SYP: variants seen among roughly 807,000 people sequenced by gnomAD.
The protein encoded by SYP is major synaptic vesicle protein P38.
A neutral mutation model predicts 24.3 loss-of-function variants in SYP; 2 were observed. The ratio of observed to expected loss-of-function variants is 0.08; its 90% CI spans 0.03 to 0.26. The LOEUF (loss-of-function observed/expected upper bound fraction) is 0.26. Ranked by LOEUF, SYP falls within the 10% of genes least tolerant of loss-of-function variation. The probability of loss-of-function intolerance (pLI) is 1.00; values close to 1 mark genes in which losing one functional copy is unlikely to be tolerated. For synonymous variants in SYP, 143 were observed against 123.2 expected (o/e 1.16, Z -1.07); for missense variants, 216 against 266.3 (o/e 0.81, Z 1.32).
Position 49,194,211 on chromosome X carries a change from G to A in SYP, c.378C>T (p.Ile126=). The change falls in exon 4 of 7, where the codon ATC becomes ATT. Residue 126 remains isoleucine, a synonymous_variant. Transcript: ENST00000263233. ...TCTCTCGGTACTTGTTCTGCAGGAA[G>A]ATGTAGGTGGCCAGAGCCCCCATGG... ...LYSMGALATY[I]FLQNKYRENN... is the part of the protein sequence containing the mutation. 8.3e-7 allele frequency: 1 copy of A among 1,211,768 alleles called. No homozygotes were observed. The highest frequency in any genetic ancestry group is 1.1e-6 in the Non-Finnish European group (1 of 895,544).
At chrX:49,199,399 T>G (rs1457857939) in intron 1 of SYP, among the ~76,000 whole-genome samples, 1 of 94,321 alleles carries the variant, frequency 1.1e-5, no homozygotes, top group Non-Finnish European at 2.1e-5. Flanking sequence ...ATGGTGAAGG[T>G]GAGTCATAAC....
At chrX:49,197,957 C>T (rs782437464) in intron 2 of SYP, 118 bp from the exon 3 acceptor site, 34 of 974,310 alleles carry the variant, frequency 3.5e-5, no homozygotes, top group Non-Finnish European at 4.6e-5. Context: ...GCAGTCCCCA[C>T]CCCCACCCCC....
At chrX:49,191,297 G>T in intron 6 of SYP, 136 bp downstream of exon 6, 1 of 703,017 alleles carries the variant, frequency 1.4e-6, no homozygotes, top group Non-Finnish European at 2.2e-6. Flanking sequence ...CTCTTGATTG[G>T]CTCCTTCAAA....
chrX:49,194,368 A>G lies in SYP; in HGVS notation c.228-7T>C. The G allele has an allele frequency of 8.3e-7, 1 of 1,210,142 alleles. No homozygotes were observed. Among genetic ancestry groups the G allele is most frequent in the Non-Finnish European group, 1.1e-6 (1 of 894,990 alleles). On this transcript the variant is annotated splice_region_variant and splice_polypyrimidine_tract_variant and intron_variant, in intron 3 of 6. Transcript: ENST00000263233. ...AAAGTACACTTGGTGCAGCCTGCAA[A>G]CAGAGGTGGGCAGGTGTGGCCCAGC...
At chrX:49,191,353 C>T in intron 6 of SYP, 80 bp downstream of exon 6, 1 of 1,092,491 alleles carries the variant, frequency 9.2e-7, no homozygotes, top group Admixed American at 2.5e-5. Context: ...TACTCTCTAC[C>T]CCTGACTCTT....
chrX:49,199,437 G>A (rs2065541924), intron 1 of SYP, among the ~76,000 whole-genome samples: 1 of 107,897 alleles, frequency 9.3e-6, no homozygotes, highest in Non-Finnish European at 1.9e-5. Flanking sequence ...GGCTCAGGTG[G>A]GGGAAGGGTC....
At chrX:49,200,058 C>T (rs782036283) in intron 1 of SYP, 93 bp downstream of exon 1, 9 of 1,096,060 alleles carry the variant, frequency 8.2e-6, no homozygotes, top group South Asian at 7.8e-5. Flanking sequence ...CTGCCAGACC[C>T]TGGCCACCAC....
At position 49,194,076 on chromosome X, in the gene SYP, C is replaced by T. The variant is rs993272636; in HGVS notation, c.423+90G>A. On this transcript the variant is annotated intron_variant, in intron 4 of 6. Transcript: ENST00000263233. ...GGTGGCTGTTTGCATGTGGGCCTGT[C>T]TGGGATTTGGTGTGGTCTGTGAGCA... 36 of 1,071,564 alleles carry T rather than the reference C, an allele frequency of 3.4e-5. No individual in the cohort carries two copies. In the East Asian group the frequency reaches 1.1e-3, roughly 33 times the overall value. The allele number at this position is 1,071,564 out of a possible 1,213,427, so 88.3% of individuals were successfully genotyped here.
In SYP at chrX:49,197,738, C is replaced by T; in HGVS notation, c.204G>A (p.Glu68=). 1.7e-6 allele frequency: 2 copies of T among 1,208,053 alleles called. No individual in the cohort carries two copies. Among genetic ancestry groups the T allele is most frequent in the Non-Finnish European group, 2.2e-6 (2 of 893,444 alleles). The stretch of plus-strand genomic sequence containing the variant: ...ACCTGAAGGGGTACTCGAACTCGAC[C>T]TCGATGCTGAGGTCACTCTCGGTCT... ...ANKTESDLSI[E]VEFEYPFRLH... is the part of the protein sequence containing the mutation. The change falls in exon 3 of 7, where the codon GAG becomes GAA. Residue 68 remains glutamate (E), a synonymous_variant. Transcript: ENST00000263233.
chrX:49,191,776 A>G lies in SYP; in HGVS notation c.616-13T>C. The G allele has an allele frequency of 8.4e-7, 1 of 1,196,102 alleles. No homozygotes were observed. Among genetic ancestry groups the G allele is most frequent in the South Asian group, 1.8e-5 (1 of 55,296 alleles). On this transcript the variant is annotated splice_polypyrimidine_tract_variant and intron_variant, in intron 5 of 6. Coordinates refer to ENST00000263233, the MANE Select transcript of SYP (RefSeq NM_003179.3). The stretch of plus-strand genomic sequence containing the variant: ...GGAAGCCGAACACCTGCAGGGAGAC[A>G]AGGCTCGGCTGTGGTACCCCGCCCA...
Position 49,193,346 on chromosome X carries a change from G to A in SYP, c.541C>T (p.Pro181Ser). The A allele has an allele frequency of 8.3e-7, 1 of 1,212,013 alleles. No individual in the cohort carries two copies. Among genetic ancestry groups the A allele is most frequent in the Non-Finnish European group, 1.1e-6 (1 of 895,475 alleles). The change falls in exon 5 of 7, where the codon CCT becomes TCT. Residue 181 changes from proline to serine, a missense_variant. Coordinates refer to ENST00000263233, the MANE Select transcript of SYP (RefSeq NM_003179.3). Reference sequence around the variant, plus strand: ...GTGTTCCCTGTCTGGCGGCAGACAGGCATCTCCTTGATAATGTTCTCTGGG... The same window carrying A: ...GTGTTCCCTGTCTGGCGGCAGACAGACATCTCCTTGATAATGTTCTCTGGG... ...TDPENIIKEM[P>S]VCRQTGNTCK... is the part of the protein sequence containing the mutation.
chrX:49,190,820 C>G (rs1486033224), intron 6 of SYP: 1 of 115,287 alleles, frequency 8.7e-6, no homozygotes, highest in African/African-American at 3.2e-5. Flanking sequence ...AGCCCCGACC[C>G]TCACTTCTCT....
In SYP at chrX:49,188,891, TGGGAGGAGTGGA is replaced by T. The variant is rs1160934098; in HGVS notation, c.*384_*395del. ...TTGCTGGAGGAACCAAGGCCAGAGT[TGGGAGGAGTGGA>T]GGGAGAGAGAGGAGAGAGTCTGAAG... On this transcript the variant is annotated 3_prime_UTR_variant, in exon 7 of 7. Transcript: ENST00000263233. 9.0e-6 allele frequency: 1 copy of T among 110,928 alleles called. No individual in the cohort carries two copies. 9.1% of individuals were successfully genotyped at this position (110,928 alleles called of 1,213,427 possible).
chrX:49,196,473 A>G (rs1557103353), intron 3 of SYP, among the ~76,000 whole-genome samples: 1 of 111,650 alleles, frequency 9.0e-6, no homozygotes, highest in Admixed American at 9.5e-5. Flanking sequence ...CCTTAAATTT[A>G]TTTTACTTAT....
At chrX:49,194,085 G>T in intron 4 of SYP, 81 bp downstream of exon 4, 1 of 1,099,028 alleles carries the variant, frequency 9.1e-7, no homozygotes, top group East Asian at 3.0e-5. Flanking sequence ...TCTGGGATTT[G>T]GTGTGGTCTG....
At chrX:49,199,424 T>C (rs1382155652) in intron 1 of SYP, among the ~76,000 whole-genome samples, 2 of 103,833 alleles carry the variant, frequency 1.9e-5, no homozygotes, top group African/African-American at 7.1e-5. Context: ...CAGGAGTCGG[T>C]TTGGCTCAGG....
At position 49,193,417 on chromosome X, in the gene SYP, G is replaced by A; in HGVS notation, c.470C>T (p.Ser157Leu). ...AVFAFMWLVS[S>L]SAWAKGLSDV... Reference sequence around the variant, plus strand: ...TGACAGCCCCTTGGCCCATGCCGATGAGCTAACTAGCCACATGAAGGCGAA... The same window carrying A: ...TGACAGCCCCTTGGCCCATGCCGATAAGCTAACTAGCCACATGAAGGCGAA... Residue 157 changes from serine (S) to leucine (L), a missense_variant, in exon 5 of 7, where the codon TCA becomes TTA. Coordinates refer to ENST00000263233, the MANE Select transcript of SYP (RefSeq NM_003179.3). The A allele has an allele frequency of 1.6e-6, 2 of 1,212,297 alleles. No individual in the cohort carries two copies. Among genetic ancestry groups the A allele is most frequent in the Non-Finnish European group, 2.2e-6 (2 of 895,562 alleles).
intron 5 of SYP, 138 bp downstream of exon 5, chrX:49,193,134 G>A: frequency 2.9e-6 from 2 of 678,031 alleles, no homozygotes; most frequent in South Asian, 2.4e-5. Context: ...ATCCTTCAAC[G>A]TTGTTGTTGG....
chrX:49,187,829 G>A lies in SYP; in HGVS notation c.*1458C>T, dbSNP rs1281446394. On this transcript the variant is annotated 3_prime_UTR_variant, in exon 7 of 7. Transcript: ENST00000263233. ...GCCGGGTAGACTAGGTGGTTAAGGA[G>A]TTTATTTGGGAGAGGAGAATCATAT... 1 of 111,399 alleles carries A rather than the reference G, an allele frequency of 9.0e-6. No individual in the cohort carries two copies. The highest frequency in any genetic ancestry group is 1.9e-5 in the Non-Finnish European group (1 of 52,998). The allele number at this position is 111,399 out of a possible 1,213,427, so 9.2% of individuals were successfully genotyped here. A position where few individuals can be genotyped will look rare whatever the true frequency, so the allele number is the denominator to read the frequency against.
Sources: gnomAD v4.1 joint callset for allele counts (sites outside exome capture counted in the v4.1 genomes callset) on GRCh38, gnomAD v4.1.1 for gene constraint, MANE v1.5 for transcripts, NCBI Gene and HGNC (gene_info 2026-07-23, HGNC 2026-07-21) for gene names.